Variants in SLCO3A1 observed in about 807,000 individuals in gnomAD.
The protein encoded by SLCO3A1 is solute carrier organic anion transporter family member 3A1, also known as PGE1 transporter.
SLCO3A1 carries 27 observed loss-of-function variants against 63.1 expected under a neutral mutation model. The observed-to-expected ratio is 0.43, with a 90% CI of 0.32 to 0.59. The LOEUF (loss-of-function observed/expected upper bound fraction) is 0.59, where lower values mean the gene tolerates loss of function less well. Among genes scored for constraint, SLCO3A1 ranks in the 20% least tolerant of loss-of-function variants. The probability of loss-of-function intolerance (pLI) is 0.09; values close to 1 mark genes in which losing one functional copy is unlikely to be tolerated. For missense variants in SLCO3A1, 773 were observed against 945.8 expected, an observed-to-expected ratio of 0.82 and a Z score of 2.40; for synonymous variants, 473 against 409.9, an observed-to-expected ratio of 1.15 and a Z score of -1.86.
chr15:92,136,461 A>G (rs1258520526), intron 7 of SLCO3A1, among the ~76,000 whole-genome samples: 1 of 152,220 alleles, frequency 6.6e-6, no homozygotes, highest in East Asian at 1.9e-4. Flanking sequence ...ATCAATAGAA[A>G]ACAAATGCAA....
intron 2 of SLCO3A1, among the ~76,000 whole-genome samples, chr15:92,025,007 A>T (rs976772466): frequency 4.7e-5 from 7 of 148,578 alleles, no homozygotes; most frequent in African/African-American, 1.7e-4. Context: ...CCTTCCATCC[A>T]TCTGTTCATC....
chr15:91,874,812 G>A (rs776467889), intron 1 of SLCO3A1, among the ~76,000 whole-genome samples: 3 of 152,130 alleles, frequency 2.0e-5, no homozygotes, highest in Admixed American at 6.5e-5. Flanking sequence ...GTAATGTTTC[G>A]TATTCTGAAT....
chr15:92,003,697 G>A lies in SLCO3A1; in HGVS notation c.646+87239G>A, dbSNP rs564484158. On this transcript the variant is annotated intron_variant, in intron 2 of 9. Coordinates refer to ENST00000318445, the MANE Select transcript of SLCO3A1 (RefSeq NM_013272.4). Reference sequence around the variant, plus strand: ...TTGTCCTGTGGGATGAAGGGCTTTCGTGAGTGATACAGTAGGTATACACAA... The same window carrying A: ...TTGTCCTGTGGGATGAAGGGCTTTCATGAGTGATACAGTAGGTATACACAA... Among the ~76,000 whole-genome samples, 7 of 152,316 alleles carry A rather than the reference G, an allele frequency of 4.6e-5. No individual in the cohort carries two copies. The East Asian group carries it at 9.7e-4, about 21-fold the overall frequency.
At chr15:92,019,016 A>G (rs1440294306) in intron 2 of SLCO3A1, among the ~76,000 whole-genome samples, 2 of 152,086 alleles carry the variant, frequency 1.3e-5, no homozygotes, top group Non-Finnish European at 2.9e-5. Flanking sequence ...TGTGAACTCT[A>G]TGTCTTAACT....
At chr15:91,953,811 G>A (rs187902220) in intron 2 of SLCO3A1, among the ~76,000 whole-genome samples, 17 of 152,216 alleles carry the variant, frequency 1.1e-4, no homozygotes, top group Admixed American at 9.8e-4. Flanking sequence ...GGTGATTGCC[G>A]TGCTCCTGTA....
chr15:92,145,577 G>C (rs1157343956), intron 7 of SLCO3A1, among the ~76,000 whole-genome samples: 2 of 152,124 alleles, frequency 1.3e-5, no homozygotes, highest in Non-Finnish European at 2.9e-5. Context: ...TGCAGGACTT[G>C]GAAGGAGGCT....
chr15:92,166,973 T>C (rs1331510862), downstream of SLCO3A1, among the ~76,000 whole-genome samples: 2 of 152,200 alleles, frequency 1.3e-5, no homozygotes, highest in Non-Finnish European at 2.9e-5. Flanking sequence ...AGTGGCAAGC[T>C]ATGAAGGTCA....
At chr15:92,097,650 G>A (rs903379135) in intron 3 of SLCO3A1, among the ~76,000 whole-genome samples, 1 of 152,224 alleles carries the variant, frequency 6.6e-6, no homozygotes, top group Non-Finnish European at 1.5e-5. Flanking sequence ...CCACCAAGTT[G>A]ATAGCGGACT....
chr15:92,061,765 C>A (rs1038249411), intron 2 of SLCO3A1, among the ~76,000 whole-genome samples: 1 of 152,158 alleles, frequency 6.6e-6, no homozygotes, highest in African/African-American at 2.4e-5. Flanking sequence ...AGGAGCCTGC[C>A]GGGTTGTCCT....
chr15:92,045,057 G>T (rs1413367318), intron 2 of SLCO3A1, among the ~76,000 whole-genome samples: 1 of 152,132 alleles, frequency 6.6e-6, no homozygotes, highest in African/African-American at 2.4e-5. Context: ...GAGACAGGCA[G>T]ATCATGAGGT....
intron 2 of SLCO3A1, among the ~76,000 whole-genome samples, chr15:92,058,714 G>A (rs1031946025): frequency 4.6e-5 from 7 of 152,168 alleles, no homozygotes; most frequent in African/African-American, 1.7e-4. Context: ...CAACCCAAAT[G>A]TATTCTTTCA....
chr15:92,159,670 G>A (rs747012672), intron 9 of SLCO3A1, among the ~76,000 whole-genome samples: 27 of 150,716 alleles, frequency 1.8e-4, no homozygotes, highest in Non-Finnish European at 2.9e-4. Flanking sequence ...GGGGTCAAGT[G>A]ATCCTCCCAT....
intron 2 of SLCO3A1, among the ~76,000 whole-genome samples, chr15:92,035,872 G>A (rs2046719089): frequency 6.6e-6 from 1 of 151,790 alleles, no homozygotes; most frequent in Non-Finnish European, 1.5e-5. Flanking sequence ...CAGAAGTTTT[G>A]GGTGGTACCA....
chr15:91,928,291 T>C (rs74028376), intron 2 of SLCO3A1, among the ~76,000 whole-genome samples: 3,538 of 152,272 alleles, frequency 0.023, 135 homozygotes, highest in African/African-American at 0.081. Flanking sequence ...AGACAACCAG[T>C]ATTTTGCATA....
intron 4 of SLCO3A1, among the ~76,000 whole-genome samples, chr15:92,114,799 A>C (rs1306091239): frequency 6.6e-6 from 1 of 152,120 alleles, no homozygotes; most frequent in Admixed American, 6.5e-5. Flanking sequence ...AAAATACCTG[A>C]ATGTTAAGCA....
intron 4 of SLCO3A1, among the ~76,000 whole-genome samples, chr15:92,109,014 A>G (rs1298370917): frequency 6.6e-6 from 1 of 152,188 alleles, no homozygotes; most frequent in Non-Finnish European, 1.5e-5. Flanking sequence ...GTTCATTTCC[A>G]ATGCACAGAA....
intron 3 of SLCO3A1, among the ~76,000 whole-genome samples, chr15:92,096,495 A>G (rs776615044): frequency 1.3e-5 from 2 of 152,174 alleles, no homozygotes; most frequent in South Asian, 4.1e-4. Context: ...TGTGTCTGAA[A>G]AGGAACACTA....
chr15:92,074,165 CCTT>C (rs1021685283), intron 2 of SLCO3A1, among the ~76,000 whole-genome samples: 1 of 152,196 alleles, frequency 6.6e-6, no homozygotes, highest in African/African-American at 2.4e-5. Context: ...GAGTGAAACT[CCTT>C]CTGAAAAAAT....
intron 2 of SLCO3A1, among the ~76,000 whole-genome samples, chr15:91,926,619 A>T (rs1434804140): frequency 1.6e-5 from 1 of 61,110 alleles, no homozygotes; most frequent in African/African-American, 8.0e-5. Context: ...GCCCATGCTT[A>T]TTTTAAACCA....
Sources: allele counts gnomAD v4.1 joint callset (sites outside exome capture counted in the v4.1 genomes callset), GRCh38; gene constraint gnomAD v4.1.1; transcripts MANE v1.5; gene names NCBI Gene and HGNC (gene_info 2026-07-23, HGNC 2026-07-21).